Variants in LLGL2 observed in about 807,000 individuals in gnomAD.
LLGL2 encodes LLGL2, scribble cell polarity complex component.
LLGL2 carries 81 observed loss-of-function variants against 123.2 expected under a neutral mutation model. The observed-to-expected ratio is 0.66, with a 90% CI of 0.55 to 0.79. The LOEUF is 0.79. Ranked by LOEUF, LLGL2 falls within the 30% of genes least tolerant of loss-of-function variation. The pLI is 0.00. For synonymous variants in LLGL2, 577 were observed against 594.1 expected (o/e 0.97, Z 0.42); for missense variants, 1,273 against 1,414.6 (o/e 0.90, Z 1.61).
At position 75,568,600 on chromosome 17, in the gene LLGL2, C is replaced by T. The variant is rs746007049; in HGVS notation, c.1161C>T (p.Ile387=). 1.9e-5 allele frequency: 30 copies of T among 1,613,994 alleles called. No homozygotes were observed. Among genetic ancestry groups the T allele is most frequent in the Non-Finnish European group, 2.4e-5 (28 of 1,180,038 alleles). The change falls in exon 11 of 26, where the codon ATC becomes ATT. Residue 387 remains isoleucine (I), a synonymous_variant. Coordinates refer to ENST00000392550, the MANE Select transcript of LLGL2 (RefSeq NM_001031803.2). ...TGGCTTCTCTGCACTGTTCCGCCAT[C>T]ACCTGCTCTCACCACGTCTCCAACA... ...PYLASLHCSA[I]TCSHHVSNIP...
Position 75,573,516 on chromosome 17 carries a change from TTC to T in LLGL2, c.2770_2771del (p.Ser924HisfsTer23), listed in dbSNP as rs1284960989. The part of the protein sequence containing the change: ...YLISPSEFER[F>X]SLSTKWLVEP... The stretch of plus-strand genomic sequence containing the variant: ...GATCTCACCCTCGGAGTTTGAGCGC[TTC>T]TCTCTCTCCACCAAGTGGCTGGTGG... On this transcript the variant is annotated frameshift_variant, in exon 21 of 26. Transcript: ENST00000392550. LOFTEE classifies it high-confidence loss of function. The T allele has an allele frequency of 1.2e-6, 2 of 1,612,658 alleles. No homozygotes were observed. Among genetic ancestry groups the T allele is most frequent in the East Asian group, 2.2e-5 (1 of 44,860 alleles).
chr17:75,574,565 G>C (rs1482362398), intron 24 of LLGL2, 45 bp from the exon 25 acceptor site: 3 of 1,605,042 alleles, frequency 1.9e-6, no homozygotes, highest in Non-Finnish European at 2.6e-6. Context: ...AGCGCTGAGA[G>C]TGGAGGTCCC....
intron 10 of LLGL2, among the ~76,000 whole-genome samples, chr17:75,566,176 A>G (rs2147488986): frequency 1.3e-5 from 2 of 152,366 alleles, no homozygotes; most frequent in East Asian, 3.9e-4. Context: ...AAGAGAGGGC[A>G]GAATGGCCCC....
Position 75,570,421 on chromosome 17 carries a change from T to C in LLGL2, c.1948T>C (p.Leu650=). 1 of 1,608,408 alleles carries C rather than the reference T, an allele frequency of 6.2e-7. No homozygotes were observed. The highest frequency in any genetic ancestry group is 1.1e-5 in the South Asian group (1 of 90,070). Residue 650 remains leucine (L), a synonymous_variant, in exon 16 of 26, where the codon TTG becomes CTG. Coordinates refer to ENST00000392550, the MANE Select transcript of LLGL2 (RefSeq NM_001031803.2). ...CCGCGTCAAGTCCCTCAAGAAGTCCTTGCGTCAGTCATTCCGCCGGATGCG... is the reference window on the plus strand; with the variant it reads ...CCGCGTCAAGTCCCTCAAGAAGTCCCTGCGTCAGTCATTCCGCCGGATGCG... ...LSRVKSLKKS[L]RQSFRRMRRS...
chr17:75,563,285 C>G lies in LLGL2; in HGVS notation c.694-46C>G, dbSNP rs372348868. ...GGGGTGCAGGCGATGGGAACGCCGC[C>G]TCGGTCCAGCGTGCTGCCCTCTGTC... is the stretch of plus-strand genomic sequence containing the variant. On this transcript the variant is annotated intron_variant, in intron 7 of 25. Transcript: ENST00000392550. 6.4e-5 allele frequency: 102 copies of G among 1,604,828 alleles called. No individual in the cohort carries two copies. In the African/African-American group the frequency reaches 1.3e-3, roughly 20 times the overall value.
Position 75,558,163 on chromosome 17 carries a change from C to A in LLGL2, c.182C>A (p.Ala61Asp). ...CCTGAGCCTACTCCTAGCTACGGAG[C>A]CCCAGGCGTGGAGTTCATGGGGCTG... ...TRSGAIKLYG[A>D]PGVEFMGLHQ... The change falls in exon 4 of 26, where the codon GCC becomes GAC. Residue 61 changes from alanine (A) to aspartate (D), a missense_variant. Transcript: ENST00000392550. The surrounding 1 kb of genome is among the most constrained non-coding windows in gnomAD (Gnocchi z 4.0). 1 of 1,613,758 alleles carries A rather than the reference C, an allele frequency of 6.2e-7. No homozygotes were observed.
chr17:75,528,351 G>A (rs1030958444), intron 1 of LLGL2, among the ~76,000 whole-genome samples: 6 of 152,076 alleles, frequency 3.9e-5, no homozygotes, highest in East Asian at 1.9e-4. Flanking sequence ...TCCTGACCTC[G>A]TGATCTGCCC....
At chr17:75,532,056 A>ACACACACACACACG (rs1491554773) in intron 1 of LLGL2, among the ~76,000 whole-genome samples, 2 of 40,138 alleles carry the variant, frequency 5.0e-5, no homozygotes, top group Non-Finnish European at 2.0e-4. Context: ...ATGTATATAT[A>ACACACACACACACG]CACACACACA....
In LLGL2 at chr17:75,549,755, C is replaced by A. The variant is rs1568037257; in HGVS notation, c.75+6254C>A. On this transcript the variant is annotated intron_variant, in intron 2 of 25. Coordinates refer to ENST00000392550, the MANE Select transcript of LLGL2 (RefSeq NM_001031803.2). The surrounding 1 kb of genome is among the most constrained non-coding windows in gnomAD (Gnocchi z 4.0). ...CACCCCCTGAGGAGTGCCAGGGACTCCTCCTCAGGTCCTAGCCCTTGGGCA... is the reference window on the plus strand; with the variant it reads ...CACCCCCTGAGGAGTGCCAGGGACTACTCCTCAGGTCCTAGCCCTTGGGCA... Among the ~76,000 whole-genome samples the A allele has an allele frequency of 2.6e-5, 4 of 152,168 alleles. No individual in the cohort carries two copies. Among genetic ancestry groups the A allele is most frequent in the African/African-American group, 7.2e-5 (3 of 41,448 alleles).
chr17:75,525,037 GC>G (rs2053502210), upstream of LLGL2: 1 of 157,532 alleles, frequency 6.3e-6, no homozygotes, highest in African/African-American at 2.4e-5. The surrounding 1 kb of genome is among the most constrained non-coding windows in gnomAD (Gnocchi z 4.8). Context: ...GGCGCCACCT[GC>G]AGCTGGGCGG....
intron 14 of LLGL2, 68 bp downstream of exon 14, chr17:75,569,393 G>A (rs1157098089): frequency 2.2e-5 from 29 of 1,291,274 alleles, no homozygotes; most frequent in Admixed American, 3.4e-5. Context: ...GCAGGGACAG[G>A]AGCCAACCAC....
rs558051384 is a variant in LLGL2 at position 75,530,400 on chromosome 17, C to T, written c.-31+4575C>T. On this transcript the variant is annotated intron_variant, in intron 1 of 25. Transcript: ENST00000392550. ...GCGCGGTGTCTCACGCCTGTAATTC[C>T]AGCACTTTGGGAGGCCGAGGCAGGC... Among the ~76,000 whole-genome samples, 159 of 152,158 alleles carry T rather than the reference C, an allele frequency of 1.0e-3. 1 individual carries two copies. Among genetic ancestry groups the T allele is most frequent in the Non-Finnish European group, 5.3e-4 (36 of 67,990 alleles).
chr17:75,575,026 C>A lies in LLGL2; in HGVS notation c.*148C>A, dbSNP rs368103155. The A allele has an allele frequency of 8.8e-7, 1 of 1,139,740 alleles. No homozygotes were observed. Among genetic ancestry groups the A allele is most frequent in the African/African-American group, 1.5e-5 (1 of 65,672 alleles). 70.6% of individuals were successfully genotyped at this position (1,139,740 alleles called of 1,614,324 possible). The stretch of plus-strand genomic sequence containing the variant: ...TCCACAATGCAGCTGCTCTGGGCCT[C>A]GGGAGAGGAGAGACCCCAGTCCCCT... On this transcript the variant is annotated 3_prime_UTR_variant, in exon 26 of 26. Transcript: ENST00000392550.
chr17:75,533,175 A>T (rs1175675913), intron 1 of LLGL2, among the ~76,000 whole-genome samples: 1 of 148,138 alleles, frequency 6.8e-6, no homozygotes, highest in African/African-American at 2.5e-5. Flanking sequence ...AATTGTTTGT[A>T]TTTTTAGTAG....
At position 75,527,126 on chromosome 17, in the gene LLGL2, G is replaced by A. The variant is rs367748605; in HGVS notation, c.-31+1301G>A. 1.2e-4 allele frequency among the ~76,000 whole-genome samples: 18 copies of A among 144,580 alleles called. No homozygotes were observed. In the East Asian group the frequency reaches 1.8e-3, roughly 15 times the overall value. The allele number at this position is 144,580 out of a possible 152,430, so 94.9% of individuals were successfully genotyped here. On this transcript the variant is annotated intron_variant, in intron 1 of 25. Coordinates refer to ENST00000392550, the MANE Select transcript of LLGL2 (RefSeq NM_001031803.2). ...GGAGGTTGCAGTGAGTCATGATGGCGCCACCACACTCCAGCCTGGGGACAG... is the reference window on the plus strand; with the variant it reads ...GGAGGTTGCAGTGAGTCATGATGGCACCACCACACTCCAGCCTGGGGACAG...
chr17:75,545,245 C>T (rs972282501), intron 2 of LLGL2, among the ~76,000 whole-genome samples: 1 of 152,104 alleles, frequency 6.6e-6, no homozygotes, highest in Admixed American at 6.5e-5. Flanking sequence ...TGTCCCACTC[C>T]CAGGCCTGGG....
chr17:75,564,305 G>T lies in LLGL2; in HGVS notation c.882-48G>T. ...TTGATTGCCGGCCTGTGGCTGTTGA[G>T]GCTGTGCCAGGAGCCCCAGCCCACT... On this transcript the variant is annotated intron_variant, in intron 9 of 25. Coordinates refer to ENST00000392550, the MANE Select transcript of LLGL2 (RefSeq NM_001031803.2). This position sits in a 1 kb window ranked among gnomAD's most constrained non-coding sequence, Gnocchi z 4.9. 6.4e-7 allele frequency: 1 copy of T among 1,562,322 alleles called. No individual in the cohort carries two copies. The highest frequency in any genetic ancestry group is 8.6e-7 in the Non-Finnish European group (1 of 1,156,392).
intron 22 of LLGL2, 42 bp from the exon 23 acceptor site, chr17:75,574,171 A>AGGG (rs2055865438): frequency 6.6e-7 from 1 of 1,519,042 alleles, no homozygotes; most frequent in Admixed American, 2.1e-5. Flanking sequence ...CAGGCCGAGG[A>AGGG]GGGCCCAGGC....
Position 75,574,856 on chromosome 17 carries a change from C to T in LLGL2, c.3056-15C>T. On this transcript the variant is annotated splice_polypyrimidine_tract_variant and intron_variant, in intron 25 of 25. Coordinates refer to ENST00000392550, the MANE Select transcript of LLGL2 (RefSeq NM_001031803.2). ...TGCCCAGGGTGATCTTGAGCTGTCC[C>T]TCTGTGTCCTTCAGCAGAGTGAGTG... The T allele has an allele frequency of 1.2e-6, 2 of 1,614,010 alleles. No individual in the cohort carries two copies. The highest frequency in any genetic ancestry group is 1.7e-6 in the Non-Finnish European group (2 of 1,179,934).
Sources: gnomAD v4.1 joint callset for allele counts (sites outside exome capture counted in the v4.1 genomes callset) on GRCh38, gnomAD v4.1.1 for gene constraint, Gnocchi (gnomAD v3.1) non-coding constraint, MANE v1.5 for transcripts, NCBI Gene and HGNC (gene_info 2026-07-23, HGNC 2026-07-21) for gene names.